AP3S2: variants seen among roughly 807,000 people sequenced by gnomAD.
AP3S2 encodes the protein adaptor related protein complex 3 subunit sigma 2, also known as AP-3 complex subunit sigma-2.
Under a neutral mutation model 23.4 loss-of-function variants are expected in AP3S2, and 22 were observed. The observed-to-expected ratio is 0.94, with a 90% CI of 0.67 to 1.34. The LOEUF is 1.34. AP3S2 is among the 40% of genes most tolerant of loss of function. The pLI, the probability that AP3S2 is intolerant of heterozygous loss-of-function variation, is 0.00. For synonymous variants in AP3S2, 86 were observed against 87.1 expected (o/e 0.99, Z 0.07); for missense variants, 241 against 236.9 (o/e 1.02, Z -0.11).
intron 2 of AP3S2, 73 bp from the exon 3 acceptor site, chr15:89,888,705 A>AATGAG (rs1896754296): frequency 6.8e-7 from 1 of 1,468,806 alleles, no homozygotes; most frequent in Non-Finnish European, 9.3e-7. Context: ...TGTGCCAAAG[A>AATGAG]ATGAGAAAGG....
intron 4 of AP3S2, among the ~76,000 whole-genome samples, chr15:89,847,057 C>A (rs981261089): frequency 3.9e-5 from 6 of 152,082 alleles, no homozygotes; most frequent in African/African-American, 1.4e-4. Context: ...TTACTGTCTG[C>A]AACACAAAGT....
chr15:89,844,995 T>C (rs1255818924), intron 4 of AP3S2, among the ~76,000 whole-genome samples: 2 of 152,132 alleles, frequency 1.3e-5, no homozygotes, highest in East Asian at 3.9e-4. Flanking sequence ...AGCCTCTGTC[T>C]CCCAGGCTCA....
intron 1 of AP3S2, 122 bp downstream of exon 1, chr15:89,893,759 C>A: frequency 1.1e-6 from 1 of 943,348 alleles, no homozygotes. Flanking sequence ...GGGCGAGGGT[C>A]ATGCTCGGTG....
chr15:89,878,164 A>C (rs566153492), intron 3 of AP3S2: 21 of 555,012 alleles, frequency 3.8e-5, no homozygotes, highest in Non-Finnish European at 5.7e-5. Flanking sequence ...CCACTGGTAC[A>C]TAATCCAGCA....
rs765488859 is a variant in AP3S2, at chr15:89,888,649, A to G, written c.162-17T>C. On this transcript the variant is annotated splice_polypyrimidine_tract_variant and intron_variant, in intron 2 of 5. Coordinates refer to ENST00000336418, the MANE Select transcript of AP3S2 (RefSeq NM_005829.5). ...CCAATCAAACTGCAGAAGATGGGAA[A>G]CATTTAAATGCCCACAGCTTAATTA... 1 of 1,608,970 alleles carries G rather than the reference A, an allele frequency of 6.2e-7. No individual in the cohort carries two copies. The highest frequency in any genetic ancestry group is 1.1e-5 in the South Asian group (1 of 90,840).
chr15:89,868,034 A>G (rs1443192432), intron 4 of AP3S2, among the ~76,000 whole-genome samples: 2 of 123,630 alleles, frequency 1.6e-5, no homozygotes, highest in African/African-American at 3.1e-5. Context: ...CCAGGAGGTG[A>G]GGGGCGCCTC....
At chr15:89,893,835 A>T (rs144837296) in intron 1 of AP3S2, 46 bp downstream of exon 1, 3 of 1,548,324 alleles carry the variant, frequency 1.9e-6, no homozygotes, top group Middle Eastern at 1.7e-4. Flanking sequence ...GAGGGAAGAC[A>T]TAGTGGGCGC....
At chr15:89,886,077 G>A (rs994056513) in intron 3 of AP3S2, among the ~76,000 whole-genome samples, 8 of 151,052 alleles carry the variant, frequency 5.3e-5, no homozygotes, top group Admixed American at 2.0e-4. Context: ...GAGGCCGGGC[G>A]CAGTGGTTCA....
chr15:89,868,132 C>T (rs28469719), intron 4 of AP3S2, among the ~76,000 whole-genome samples: 3,483 of 39,480 alleles, frequency 0.088, 165 homozygotes, highest in African/African-American at 0.25. Flanking sequence ...TCAGCCCCCC[C>T]ACCCGGCCAG....
chr15:89,847,696 G>A (rs1329834098), intron 4 of AP3S2, among the ~76,000 whole-genome samples: 1 of 152,016 alleles, frequency 6.6e-6, no homozygotes, highest in Non-Finnish European at 1.5e-5. Context: ...TAAACAAGAA[G>A]GCATAAGCAA....
At chr15:89,835,701 T>TAAAAA (rs5814404) in intron 5 of AP3S2, 58 bp from the exon 6 acceptor site, 7 of 1,040,332 alleles carry the variant, frequency 6.7e-6, no homozygotes, top group South Asian at 4.6e-5. Context: ...TGCTTAATGC[T>TAAAAA]AAAAAAAAAA....
At chr15:89,857,628 C>T (rs567609404) in intron 4 of AP3S2, among the ~76,000 whole-genome samples, 1 of 152,342 alleles carries the variant, frequency 6.6e-6, no homozygotes, top group Non-Finnish European at 1.5e-5. Flanking sequence ...TGTGGGATAC[C>T]TTTCCTAAGA....
chr15:89,855,559 CT>C (rs1895808921), intron 4 of AP3S2, among the ~76,000 whole-genome samples: 2 of 146,550 alleles, frequency 1.4e-5, no homozygotes, highest in Non-Finnish European at 3.0e-5. Flanking sequence ...AAAGAATGGA[CT>C]TTCCCAGGCC....
At chr15:89,886,104 A>G (rs1201124431) in intron 3 of AP3S2, among the ~76,000 whole-genome samples, 1 of 152,146 alleles carries the variant, frequency 6.6e-6, no homozygotes, top group East Asian at 1.9e-4. Context: ...TAATCCCAGC[A>G]CTTTGGGAGG....
At chr15:89,857,235 G>A (rs1394204652) in intron 4 of AP3S2, among the ~76,000 whole-genome samples, 4 of 152,134 alleles carry the variant, frequency 2.6e-5, no homozygotes, top group Non-Finnish European at 5.9e-5. Flanking sequence ...ATCCACCTCG[G>A]CCTCCCAAAG....
Position 89,874,570 on chromosome 15 carries a change from T to A in AP3S2, c.274-3024A>T, listed in dbSNP as rs576657262. Among the ~76,000 whole-genome samples the A allele has an allele frequency of 4.6e-5, 7 of 152,056 alleles. No individual in the cohort carries two copies. The South Asian group carries it at 1.5e-3, about 32-fold the overall frequency. ...CAGGAAGATCCCTCGAGCCCAGGAG[T>A]TTGAGACCAGCCTGGGCAACATAGC... On this transcript the variant is annotated intron_variant, in intron 3 of 5. Coordinates refer to ENST00000336418, the MANE Select transcript of AP3S2 (RefSeq NM_005829.5).
intron 3 of AP3S2, among the ~76,000 whole-genome samples, chr15:89,878,896 C>T (rs1232411230): frequency 2.0e-5 from 3 of 152,144 alleles, no homozygotes; most frequent in African/African-American, 4.8e-5. Context: ...ACAGACGTCC[C>T]GCACAATGGC....
Position 89,831,166 on chromosome 15 carries a change from T to G in AP3S2, c.*4349A>C, listed in dbSNP as rs1476002005. 1 of 152,236 alleles carries G rather than the reference T, an allele frequency of 6.6e-6. No homozygotes were observed. 9.4% of individuals were successfully genotyped at this position (152,236 alleles called of 1,614,324 possible). A position where few individuals can be genotyped will look rare whatever the true frequency, so the allele number is the denominator to read the frequency against. On this transcript the variant is annotated 3_prime_UTR_variant, in exon 6 of 6. Transcript: ENST00000336418. Reference sequence around the variant, plus strand: ...AAAGAATTAATCATTTTCATGGAACTGCTTCCCTATAGGGGCCTGTTTTCG... The same window carrying G: ...AAAGAATTAATCATTTTCATGGAACGGCTTCCCTATAGGGGCCTGTTTTCG...
At chr15:89,844,211 CTTTCTTT>C (rs1895409497) in intron 4 of AP3S2, among the ~76,000 whole-genome samples, 1 of 9,566 alleles carries the variant, frequency 1.0e-4, no homozygotes, top group Non-Finnish European at 2.7e-4. Flanking sequence ...CTTTCTTTCT[CTTTCTTT>C]CTTTCTTTCT....
Sources: gnomAD v4.1 joint callset for allele counts (sites outside exome capture counted in the v4.1 genomes callset) on GRCh38, gnomAD v4.1.1 for gene constraint, MANE v1.5 for transcripts, NCBI Gene and HGNC (gene_info 2026-07-23, HGNC 2026-07-21) for gene names.